The following SLC5A2 variants were observed in gnomAD, a reference collection of about 807,000 sequenced individuals.
SLC5A2 encodes sodium/glucose cotransporter 2.
In SLC5A2, 67 loss-of-function variants were observed where a neutral mutation model predicts 69.0. The observed-to-expected ratio is 0.97, with a 90% CI of 0.80 to 1.19. The LOEUF (loss-of-function observed/expected upper bound fraction) is 1.19. SLC5A2 is among the 50% of genes most tolerant of loss of function. SLC5A2 has a pLI of 0.00. For synonymous variants in SLC5A2, 455 were observed against 395.8 expected, an observed-to-expected ratio of 1.15 and a Z score of -1.78; for missense variants, 1,001 against 921.5, an observed-to-expected ratio of 1.09 and a Z score of -1.12.
chr16:31,485,039 C>A, intron 3 of SLC5A2, 116 bp downstream of exon 3: 1 of 947,802 alleles, frequency 1.1e-6, no homozygotes, highest in Non-Finnish European at 1.7e-6. Flanking sequence ...TTCCCAACTG[C>A]GGGGTGTGAC....
At chr16:31,489,442 G>C in intron 12 of SLC5A2, 104 bp downstream of exon 12, 1 of 1,045,802 alleles carries the variant, frequency 9.6e-7, no homozygotes, top group African/African-American at 1.6e-5. Flanking sequence ...ACTGAGGGTT[G>C]GGAATGGGCT....
Position 31,490,246 on chromosome 16 carries a change from G to A in SLC5A2, c.1792+16G>A. 1.9e-6 allele frequency: 3 copies of A among 1,614,096 alleles called. No individual in the cohort carries two copies. The highest frequency in any genetic ancestry group is 2.5e-6 in the Non-Finnish European group (3 of 1,180,000). ...GAGATGAATGGTAGGGCACCATGCT[G>A]GGAGGTGGGGCTGGAGGAGCTGAGT... On this transcript the variant is annotated intron_variant, in intron 13 of 13. Coordinates refer to ENST00000330498, the MANE Select transcript of SLC5A2 (RefSeq NM_003041.4).
intron 5 of SLC5A2, among the ~76,000 whole-genome samples, chr16:31,486,822 G>A (rs1596618592): frequency 6.6e-6 from 1 of 152,210 alleles, no homozygotes; most frequent in Non-Finnish European, 1.5e-5. Flanking sequence ...CAAGGCGGGC[G>A]GATCACGCGG....
At chr16:31,485,570 T>C (rs2082488290) in intron 3 of SLC5A2, 159 bp from the exon 4 acceptor site, 1 of 793,370 alleles carries the variant, frequency 1.3e-6, no homozygotes, top group African/African-American at 1.7e-5. Flanking sequence ...CTCTGTTCCT[T>C]GGTGCCCAGG....
chr16:31,487,244 C>A, intron 5 of SLC5A2, 76 bp from the exon 6 acceptor site: 1 of 1,388,812 alleles, frequency 7.2e-7, no homozygotes, highest in South Asian at 1.2e-5. Context: ...TTCAAATTCC[C>A]ACAAAGACGC....
chr16:31,488,180 T>C lies in SLC5A2; in HGVS notation c.1021+7T>C. 6.2e-7 allele frequency: 1 copy of C among 1,613,904 alleles called. No individual in the cohort carries two copies. The highest frequency in any genetic ancestry group is 1.3e-5 in the African/African-American group (1 of 75,022). ...AGCCGCATTCTGTACCCAGGTAACA[T>C]CCCTGCCCCGCCCCTTTCCTGTGCC... On this transcript the variant is annotated splice_region_variant and intron_variant, in intron 8 of 13. Coordinates refer to ENST00000330498, the MANE Select transcript of SLC5A2 (RefSeq NM_003041.4).
Position 31,487,328 on chromosome 16 carries a change from G to A in SLC5A2, c.583G>A (p.Ala195Thr), listed in dbSNP as rs779892087. 1 of 1,613,758 alleles carries A rather than the reference G, an allele frequency of 6.2e-7. No individual in the cohort carries two copies. Among genetic ancestry groups the A allele is most frequent in the Non-Finnish European group, 8.5e-7 (1 of 1,180,000 alleles). ...ACCCCGGCCTGTTGCAGGAGGGCTG[G>A]CCGCGCTGATGTACACGGACACGGT... ...TMIYTVTGGLAALMYTDTVQT... is the reference protein window; with the variant it reads ...TMIYTVTGGLTALMYTDTVQT... Residue 195 changes from alanine to threonine, a missense_variant, in exon 6 of 14, where the codon GCC becomes ACC. Physicochemically the swap from Ala to Thr is moderately conservative, Grantham distance 58. Transcript: ENST00000330498.
rs920442229 is a variant in SLC5A2 at position 31,484,868 on chromosome 16, G to A, written c.248G>A (p.Gly83Asp). ...AACATCGGCAGTGGCCACTTTGTGG[G>A]CCTGGCAGGGACTGGCGCTGCAAGT... is the stretch of plus-strand genomic sequence containing the variant. ...ASNIGSGHFV[G>D]LAGTGAASGL... The change falls in exon 3 of 14, where the codon GGC (glycine) becomes GAC (aspartate). Residue 83 changes from glycine to aspartate, a missense_variant. Coordinates refer to ENST00000330498, the MANE Select transcript of SLC5A2 (RefSeq NM_003041.4). 2.5e-6 allele frequency: 4 copies of A among 1,614,138 alleles called. No homozygotes were observed. Among genetic ancestry groups the A allele is most frequent in the Non-Finnish European group, 3.4e-6 (4 of 1,180,052 alleles).
rs769081844 is a variant in SLC5A2, at chr16:31,484,895, G to T, written c.275G>T (p.Gly92Val). 1 of 1,614,178 alleles carries T rather than the reference G, an allele frequency of 6.2e-7. No individual in the cohort carries two copies. Among genetic ancestry groups the T allele is most frequent in the Non-Finnish European group, 8.5e-7 (1 of 1,180,046 alleles). The change falls in exon 3 of 14, where the codon GGC becomes GTC. Residue 92 changes from glycine (G) to valine (V), a missense_variant. Physicochemically the swap from Gly to Val is moderately radical, Grantham distance 109 (BLOSUM62 -3). Transcript: ENST00000330498. Reference sequence around the variant, plus strand: ...CTGGCAGGGACTGGCGCTGCAAGTGGCTTGGCTGTTGCTGGATTCGAGTGG... The same window carrying T: ...CTGGCAGGGACTGGCGCTGCAAGTGTCTTGGCTGTTGCTGGATTCGAGTGG... ...VGLAGTGAAS[G>V]LAVAGFEWNA...
In SLC5A2 at chr16:31,488,603, G is replaced by C. The variant is rs749803962; in HGVS notation, c.1130-19G>C. On this transcript the variant is annotated intron_variant, in intron 9 of 13. Coordinates refer to ENST00000330498, the MANE Select transcript of SLC5A2 (RefSeq NM_003041.4). ...GGACCCCCAGTGGCCCCAGCCTCACGGCTGCCGTCGGCCCGCAGGTCTGCG... is the reference window on the plus strand; with the variant it reads ...GGACCCCCAGTGGCCCCAGCCTCACCGCTGCCGTCGGCCCGCAGGTCTGCG... The C allele has an allele frequency of 1.9e-6, 3 of 1,609,158 alleles. No individual in the cohort carries two copies. Among genetic ancestry groups the C allele is most frequent in the African/African-American group, 2.7e-5 (2 of 74,984 alleles).
At chr16:31,487,434 G>A in intron 6 of SLC5A2, 34 bp downstream of exon 6, 3 of 1,612,270 alleles carry the variant, frequency 1.9e-6, no homozygotes, top group Non-Finnish European at 2.5e-6. Context: ...GGGCGCGGAG[G>A]GCATGGTCGC....
intron 4 of SLC5A2, 29 bp downstream of exon 4, chr16:31,485,922 C>G: frequency 6.2e-7 from 1 of 1,612,474 alleles, no homozygotes. Context: ...TGCGATTGGG[C>G]CCTAGAAGGG....
rs375092572 is a variant in SLC5A2 at position 31,484,761 on chromosome 16, C to T, written c.198+17C>T. On this transcript the variant is annotated intron_variant, in intron 2 of 13. Transcript: ENST00000330498. ...TGGTGGCCGGTGAGACGGGCTGGGC[C>T]GGGAACGGGAGGGGCCTGGAGAAGC... 34 of 1,610,598 alleles carry T rather than the reference C, an allele frequency of 2.1e-5. No individual in the cohort carries two copies. Among genetic ancestry groups the T allele is most frequent in the Middle Eastern group, 1.6e-4 (1 of 6,084 alleles).
rs1468390476 is a variant in SLC5A2, at chr16:31,488,436, G to A, written c.1075G>A (p.Val359Met). 2 of 1,611,682 alleles carry A rather than the reference G, an allele frequency of 1.2e-6. No individual in the cohort carries two copies. Among genetic ancestry groups the A allele is most frequent in the Admixed American group, 3.3e-5 (2 of 59,908 alleles). ...GTGCAGGCGCGTGTGCGGCACGGAGGTGGGCTGCTCCAACATCGCCTACCC... is the reference window on the plus strand; with the variant it reads ...GTGCAGGCGCGTGTGCGGCACGGAGATGGGCTGCTCCAACATCGCCTACCC... Reference protein sequence around the residue: ...EVCRRVCGTEVGCSNIAYPRL... With the variant: ...EVCRRVCGTEMGCSNIAYPRL... Residue 359 changes from valine to methionine, a missense_variant, in exon 9 of 14, where the codon GTG becomes ATG. Coordinates refer to ENST00000330498, the MANE Select transcript of SLC5A2 (RefSeq NM_003041.4).
Position 31,488,365 on chromosome 16 carries a change from G to C in SLC5A2, c.1022-18G>C, listed in dbSNP as rs1445034049. ...GACCAGGCCCCGTCCTAACGGCGCG[G>C]TGGCCTCTCTCTGGCAGACGAGGTG... On this transcript the variant is annotated intron_variant, in intron 8 of 13. Coordinates refer to ENST00000330498, the MANE Select transcript of SLC5A2 (RefSeq NM_003041.4). The C allele has an allele frequency of 1.9e-6, 3 of 1,610,190 alleles. No individual in the cohort carries two copies. The highest frequency in any genetic ancestry group is 1.3e-5 in the African/African-American group (1 of 75,048).
chr16:31,489,624 A>G (rs148937147), intron 12 of SLC5A2: 2 of 557,116 alleles, frequency 3.6e-6, no homozygotes, highest in Non-Finnish European at 3.2e-6. Context: ...GGTGGGCACA[A>G]TACCATCTTG....
chr16:31,485,701 C>T, intron 3 of SLC5A2, 28 bp from the exon 4 acceptor site: 1 of 1,610,260 alleles, frequency 6.2e-7, no homozygotes, highest in Non-Finnish European at 8.5e-7. Flanking sequence ...GGCAAAGCCA[C>T]CCTCAGCGGC....
intron 4 of SLC5A2, 61 bp from the exon 5 acceptor site, chr16:31,486,109 G>A: frequency 7.4e-7 from 1 of 1,350,344 alleles, no homozygotes; most frequent in South Asian, 1.2e-5. Context: ...CATGGCCTGG[G>A]CAGGAGGTGG....
intron 12 of SLC5A2, chr16:31,489,879 G>A (rs1257914752): frequency 1.7e-5 from 10 of 581,056 alleles, no homozygotes; most frequent in East Asian, 3.2e-5. Context: ...AAAGCTGGGG[G>A]AGCAAGGCCA....
Sources: allele counts gnomAD v4.1 joint callset (sites outside exome capture counted in the v4.1 genomes callset), GRCh38; gene constraint gnomAD v4.1.1; transcripts MANE v1.5; gene names NCBI Gene and HGNC (gene_info 2026-07-23, HGNC 2026-07-21).